ME1: variants seen among roughly 807,000 people sequenced by gnomAD.
ME1 encodes the protein NADP-dependent malic enzyme.
ME1 carries 74 observed loss-of-function variants against 66.4 expected under a neutral mutation model. The observed-to-expected ratio is 1.11, with a 90% CI of 0.92 to 1.35. The LOEUF is 1.35. Among genes scored for constraint, ME1 ranks in the 40% most tolerant of loss-of-function variants. The pLI is 0.00. For missense variants in ME1, 750 were observed against 694.1 expected (o/e 1.08, Z -0.90); for synonymous variants, 251 against 235.6 (o/e 1.07, Z -0.60).
chr6:83,220,793 T>C (rs1790078036), intron 12 of ME1, among the ~76,000 whole-genome samples: 1 of 152,200 alleles, frequency 6.6e-6, no homozygotes. Flanking sequence ...AATTTTCTGC[T>C]TTGTGCCTAG....
chr6:83,409,226 T>G (rs1488628140), intron 1 of ME1, among the ~76,000 whole-genome samples: 1 of 152,208 alleles, frequency 6.6e-6, no homozygotes, highest in Non-Finnish European at 1.5e-5. Flanking sequence ...GTACATGGTA[T>G]TCCGTTATGG....
chr6:83,298,022 T>TA (rs2128536075), intron 6 of ME1, among the ~76,000 whole-genome samples: 1 of 152,352 alleles, frequency 6.6e-6, no homozygotes, highest in Non-Finnish European at 1.5e-5. Context: ...GCAATGAACA[T>TA]ACGCTTGCAT....
intron 3 of ME1, among the ~76,000 whole-genome samples, chr6:83,375,736 TA>T (rs1163885440): frequency 6.6e-6 from 1 of 152,210 alleles, no homozygotes; most frequent in Non-Finnish European, 1.5e-5. Flanking sequence ...GGGTGTGTCA[TA>T]AATGGCTCTT....
At chr6:83,244,011 G>T (rs1320997379) in intron 7 of ME1, among the ~76,000 whole-genome samples, 1 of 150,540 alleles carries the variant, frequency 6.6e-6, no homozygotes, top group Non-Finnish European at 1.5e-5. Context: ...TCTGGAAAGG[G>T]TCATTGGAGT....
At chr6:83,213,463 A>C (rs1360355233) in intron 13 of ME1, among the ~76,000 whole-genome samples, 1 of 151,818 alleles carries the variant, frequency 6.6e-6, no homozygotes, top group Non-Finnish European at 1.5e-5. Context: ...AACAACAACA[A>C]AAAAACAAGC....
intron 1 of ME1, among the ~76,000 whole-genome samples, chr6:83,413,121 C>T (rs568860288): frequency 3.3e-5 from 5 of 152,160 alleles, no homozygotes; most frequent in Non-Finnish European, 7.3e-5. Flanking sequence ...ATCCTCCTGC[C>T]TCAGTCTCCC....
intron 3 of ME1, among the ~76,000 whole-genome samples, chr6:83,380,481 CAAG>C (rs376902082): frequency 6.6e-6 from 1 of 151,528 alleles, no homozygotes; most frequent in African/African-American, 2.4e-5. Context: ...AGGAAAGAAA[CAAG>C]AAGAACCTAG....
At chr6:83,369,576 T>C (rs748870176) in intron 3 of ME1, among the ~76,000 whole-genome samples, 2 of 151,292 alleles carry the variant, frequency 1.3e-5, no homozygotes. Flanking sequence ...GAGTGAGCCA[T>C]GATCATGCCA....
chr6:83,216,622 G>A (rs749243530), intron 12 of ME1, 26 bp from the exon 13 acceptor site: 20 of 1,487,660 alleles, frequency 1.3e-5, no homozygotes, highest in Non-Finnish European at 1.8e-5. Context: ...AAGAAAAAAA[G>A]TGTTTATACT....
intron 3 of ME1, among the ~76,000 whole-genome samples, chr6:83,374,837 ATTT>A (rs1769257334): frequency 1.3e-5 from 2 of 152,264 alleles, no homozygotes; most frequent in East Asian, 3.9e-4. Context: ...TCCCAGCACC[ATTT>A]ATTAAATAGG....
intron 12 of ME1, among the ~76,000 whole-genome samples, chr6:83,221,624 C>T (rs942000863): frequency 2.0e-5 from 3 of 152,028 alleles, no homozygotes; most frequent in African/African-American, 7.3e-5. Context: ...TAGGGCATGT[C>T]TGTGGAATTA....
chr6:83,361,019 T>C (rs558014669), intron 3 of ME1, among the ~76,000 whole-genome samples: 10 of 152,358 alleles, frequency 6.6e-5, no homozygotes, highest in South Asian at 2.1e-4. Flanking sequence ...TCAGGGGTTA[T>C]CAACTCTCCA....
At chr6:83,295,764 C>T (rs1449275406) in intron 6 of ME1, among the ~76,000 whole-genome samples, 1 of 151,962 alleles carries the variant, frequency 6.6e-6, no homozygotes, top group Non-Finnish European at 1.5e-5. Flanking sequence ...ATAAGATAGG[C>T]TGCTATCTAG....
chr6:83,381,982 TC>T (rs1769409510), intron 3 of ME1, among the ~76,000 whole-genome samples: 1 of 152,038 alleles, frequency 6.6e-6, no homozygotes, highest in Admixed American at 6.6e-5. Context: ...ACCTCCCCAG[TC>T]CCAGATCTTT....
intron 9 of ME1, among the ~76,000 whole-genome samples, chr6:83,237,279 G>GAAAGAGAAA: frequency 2.0e-5 from 1 of 50,600 alleles, no homozygotes; most frequent in Non-Finnish European, 4.1e-5. Flanking sequence ...AAGAAAGAAA[G>GAAAGAGAAA]GAAGGAAGGA....
At position 83,352,061 on chromosome 6, in the gene ME1, T is replaced by TA; in HGVS notation, c.438+2dup. ...GCTATAGTGGAAAAACATGATAACT[T>TA]ACCTTGATGACATCTTCTGGCCATG... On this transcript the variant is annotated splice_region_variant and intron_variant, in intron 4 of 13. Coordinates refer to ENST00000369705, the MANE Select transcript of ME1 (RefSeq NM_002395.6). The TA allele has an allele frequency of 6.3e-7, 1 of 1,591,398 alleles. No homozygotes were observed. Among genetic ancestry groups the TA allele is most frequent in the Non-Finnish European group, 8.6e-7 (1 of 1,167,552 alleles).
At chr6:83,238,820 A>ATATATATATATATATG (rs1790459732) in intron 8 of ME1, among the ~76,000 whole-genome samples, 1 of 148,806 alleles carries the variant, frequency 6.7e-6, no homozygotes, top group South Asian at 2.1e-4. Flanking sequence ...ATATATATAT[A>ATATATATATATATATG]GCCACAAAAT....
At chr6:83,244,656 T>C (rs767202754) in intron 7 of ME1, among the ~76,000 whole-genome samples, 2 of 152,080 alleles carry the variant, frequency 1.3e-5, no homozygotes, top group Admixed American at 6.6e-5. Context: ...GTTATTCTGA[T>C]AGCAGTATCA....
At chr6:83,329,163 T>G (rs1432203708) in intron 5 of ME1, among the ~76,000 whole-genome samples, 2 of 152,180 alleles carry the variant, frequency 1.3e-5, no homozygotes, top group Non-Finnish European at 2.9e-5. Flanking sequence ...AAGCAATATT[T>G]GTTTATCAGA....
Sources: allele counts gnomAD v4.1 joint callset (sites outside exome capture counted in the v4.1 genomes callset), GRCh38; gene constraint gnomAD v4.1.1; transcripts MANE v1.5; gene names NCBI Gene and HGNC (gene_info 2026-07-23, HGNC 2026-07-21).